The following CD47 variants were observed in gnomAD, a reference collection of about 807,000 sequenced individuals.
CD47 encodes the protein leukocyte surface antigen CD47.
Under a neutral mutation model 44.6 loss-of-function variants are expected in CD47, and 11 were observed. The ratio of observed to expected loss-of-function variants is 0.25; its 90% CI spans 0.16 to 0.41. CD47 has a LOEUF of 0.41. Among genes scored for constraint, CD47 ranks in the 10% least tolerant of loss-of-function variants. The probability of loss-of-function intolerance (pLI) is 1.00; values close to 1 mark genes in which losing one functional copy is unlikely to be tolerated. For synonymous variants in CD47, 140 were observed against 136.3 expected, an observed-to-expected ratio of 1.03 and a Z score of -0.19; for missense variants, 306 against 386.7, an observed-to-expected ratio of 0.79 and a Z score of 1.75.
intron 8 of CD47, 68 bp downstream of exon 8, chr3:108,051,871 A>G (rs569880339): frequency 1.7e-6 from 2 of 1,186,458 alleles, no homozygotes; most frequent in Non-Finnish European, 1.3e-6. Context: ...AAATATCTCA[A>G]TTACCAAGTT....
rs2078975740 is a variant in CD47 at position 108,059,556 on chromosome 3, T to TA, written c.599-13dup. 8.1e-7 allele frequency: 1 copy of TA among 1,242,154 alleles called. No homozygotes were observed. The highest frequency in any genetic ancestry group is 1.1e-6 in the Non-Finnish European group (1 of 888,840). The allele number at this position is 1,242,154 out of a possible 1,614,324, so 76.9% of individuals were successfully genotyped here. A position where few individuals can be genotyped will look rare whatever the true frequency, so the allele number is the denominator to read the frequency against. On this transcript the variant is annotated splice_polypyrimidine_tract_variant and intron_variant, in intron 4 of 10. Transcript: ENST00000361309. ...TAATGAATATTCACCTGTCAATAAA[T>TA]AAAAACATTTAAAATATTTTCCTAC...
At chr3:108,051,305 G>A (rs549852561) in intron 8 of CD47, among the ~76,000 whole-genome samples, 1 of 152,228 alleles carries the variant, frequency 6.6e-6, no homozygotes, top group South Asian at 2.1e-4. Flanking sequence ...CTGTCACTGT[G>A]ATAAGTCTAT....
rs1466632014 is a variant in CD47, at chr3:108,051,515, T to C, written c.909+424A>G. 3.3e-5 allele frequency among the ~76,000 whole-genome samples: 5 copies of C among 152,358 alleles called. No individual in the cohort carries two copies. The East Asian group carries it at 9.6e-4, about 29-fold the overall frequency. ...ACAGATGTTTTCAGCAATATTTACA[T>C]TTATTTTATAGATTATAATTATCAG... On this transcript the variant is annotated intron_variant, in intron 8 of 10. Coordinates refer to ENST00000361309, the MANE Select transcript of CD47 (RefSeq NM_001777.4).
At chr3:108,047,786 G>C (rs1449221732) in intron 10 of CD47, among the ~76,000 whole-genome samples, 3 of 152,160 alleles carry the variant, frequency 2.0e-5, no homozygotes, top group Non-Finnish European at 4.4e-5. Context: ...CCACCAGCCA[G>C]ACATTTTAAA....
At chr3:108,058,306 C>A in intron 6 of CD47, 31 bp downstream of exon 6, 1 of 1,311,996 alleles carries the variant, frequency 7.6e-7, no homozygotes, top group South Asian at 1.4e-5. Context: ...AAAAGTAACC[C>A]AAATTAGGTC....
rs953795918 is a variant in CD47 at position 108,080,159 on chromosome 3, G to A, written c.232C>T (p.Pro78Ser). Reference sequence around the variant, plus strand: ...ATTTTTGCACTACTAAAGTCAGTGGGGACAGTGGACTTGTTTAGAGCTCCA... The same window carrying A: ...ATTTTTGCACTACTAAAGTCAGTGGAGACAGTGGACTTGTTTAGAGCTCCA... ...FDGALNKSTVPTDFSSAKIEV... is the reference protein window; with the variant it reads ...FDGALNKSTVSTDFSSAKIEV... The change falls in exon 2 of 11, where the codon CCC becomes TCC. Residue 78 changes from proline (P) to serine (S), a missense_variant. By Grantham distance (74) the Pro-to-Ser change is moderately conservative. Coordinates refer to ENST00000361309, the MANE Select transcript of CD47 (RefSeq NM_001777.4). 6 of 1,613,108 alleles carry A rather than the reference G, an allele frequency of 3.7e-6. No individual in the cohort carries two copies. Among genetic ancestry groups the A allele is most frequent in the Non-Finnish European group, 5.1e-6 (6 of 1,179,274 alleles).
chr3:108,059,019 G>A lies in CD47; in HGVS notation c.691+433C>T, dbSNP rs113754034. Among the ~76,000 whole-genome samples, 470 of 152,176 alleles carry A rather than the reference G, an allele frequency of 3.1e-3. 1 individual carries two copies. The highest frequency in any genetic ancestry group is 0.011 in the African/African-American group (437 of 41,506). On this transcript the variant is annotated intron_variant, in intron 5 of 10. Transcript: ENST00000361309. ...CCATCTCTTAAAACTACAGTATTAA[G>A]GTTTGCTAATAATTAAAACAAATAT...
chr3:108,074,004 G>C (rs1269789766), intron 2 of CD47, among the ~76,000 whole-genome samples: 1 of 152,234 alleles, frequency 6.6e-6, no homozygotes, highest in Non-Finnish European at 1.5e-5. Context: ...ATAAACTTGA[G>C]AGAAATACTA....
chr3:108,078,091 T>C (rs1027712486), intron 2 of CD47, among the ~76,000 whole-genome samples: 2 of 152,014 alleles, frequency 1.3e-5, no homozygotes, highest in African/African-American at 2.4e-5. Context: ...GAGGAAACCA[T>C]TGGGGGGACT....
intron 1 of CD47, among the ~76,000 whole-genome samples, chr3:108,090,660 C>T (rs1286990601): frequency 6.6e-6 from 1 of 150,512 alleles, no homozygotes; most frequent in Non-Finnish European, 1.5e-5. Context: ...AGAAGACGAC[C>T]AGGGAAAGGA....
intron 3 of CD47, among the ~76,000 whole-genome samples, chr3:108,070,648 G>T (rs2079183156): frequency 6.6e-6 from 1 of 152,072 alleles, no homozygotes; most frequent in African/African-American, 2.4e-5. Context: ...CTTTTCCAAG[G>T]GTGAACACGT....
rs2079389440 is a variant in CD47 at position 108,080,149 on chromosome 3, A to G, written c.242T>C (p.Phe81Ser). Reference sequence around the variant, plus strand: ...TGAGACTTCAATTTTTGCACTACTAAAGTCAGTGGGGACAGTGGACTTGTT... The same window carrying G: ...TGAGACTTCAATTTTTGCACTACTAGAGTCAGTGGGGACAGTGGACTTGTT... ...ALNKSTVPTD[F>S]SSAKIEVSQL... Residue 81 changes from phenylalanine (F) to serine (S), a missense_variant, in exon 2 of 11, where the codon TTT becomes TCT. Around this residue, in one of 5 missense-constraint regions of CD47, gnomAD observed 25 missense variants for 52.7 expected, o/e 0.47. Coordinates refer to ENST00000361309, the MANE Select transcript of CD47 (RefSeq NM_001777.4). 1 of 1,612,976 alleles carries G rather than the reference A, an allele frequency of 6.2e-7. No homozygotes were observed. Among genetic ancestry groups the G allele is most frequent in the Admixed American group, 1.7e-5 (1 of 59,932 alleles).
At chr3:108,048,371 GTTTTTTTTTT>G (rs146476512) in intron 10 of CD47, among the ~76,000 whole-genome samples, 4 of 79,582 alleles carry the variant, frequency 5.0e-5, no homozygotes, top group Admixed American at 3.5e-4. Context: ...TGACTGGAGT[GTTTTTTTTTT>G]TTTTTTTTTT....
intron 7 of CD47, chr3:108,054,305 T>C (rs2078878357): frequency 1.3e-5 from 2 of 152,206 alleles, no homozygotes. Flanking sequence ...ACTTTCTAGT[T>C]CTAAATCTCC....
Position 108,086,761 on chromosome 3 carries a change from G to A in CD47, c.46+4102C>T, listed in dbSNP as rs184421062. ...TTTTTGTTTTATTTTTTAATATGGGGTAAAATTTGATCATGTGTGCAAGCT... is the reference window on the plus strand; with the variant it reads ...TTTTTGTTTTATTTTTTAATATGGGATAAAATTTGATCATGTGTGCAAGCT... On this transcript the variant is annotated intron_variant, in intron 1 of 10. Transcript: ENST00000361309. Among the ~76,000 whole-genome samples the A allele has an allele frequency of 4.7e-3, 717 of 152,204 alleles. 22 individuals are homozygous for A. The highest frequency in any genetic ancestry group is 0.044 in the Admixed American group (667 of 15,266).
chr3:108,049,375 TA>T (rs1166301173), intron 10 of CD47, among the ~76,000 whole-genome samples: 1 of 152,218 alleles, frequency 6.6e-6, no homozygotes, highest in Non-Finnish European at 1.5e-5. Context: ...CAAAAAGTGG[TA>T]ATTTCTCTTT....
chr3:108,050,156 T>C (rs893044860), intron 9 of CD47, among the ~76,000 whole-genome samples: 3 of 152,128 alleles, frequency 2.0e-5, no homozygotes, highest in African/African-American at 7.2e-5. Flanking sequence ...TCTCACTCTG[T>C]CACCAGGCTG....
chr3:108,060,953 G>A, intron 3 of CD47, 101 bp from the exon 4 acceptor site: 2 of 718,512 alleles, frequency 2.8e-6, no homozygotes, highest in Middle Eastern at 2.5e-4. Context: ...GTACTATAAT[G>A]TAATAACTTA....
intron 1 of CD47, among the ~76,000 whole-genome samples, chr3:108,084,731 C>T (rs1416916900): frequency 1.3e-5 from 2 of 152,068 alleles, no homozygotes; most frequent in Admixed American, 6.6e-5. Flanking sequence ...TACCAGTGAA[C>T]CAGACCTGGA....
Sources: allele counts gnomAD v4.1 joint callset (sites outside exome capture counted in the v4.1 genomes callset), GRCh38; gene constraint gnomAD v4.1.1; regional missense constraint gnomAD v4.1.1; transcripts MANE v1.5; gene names NCBI Gene and HGNC (gene_info 2026-07-23, HGNC 2026-07-21).